REXO1: variants seen among roughly 807,000 people sequenced by gnomAD.
REXO1 encodes REX1, RNA exonuclease 1 homolog.
A neutral mutation model predicts 102.6 loss-of-function variants in REXO1; 42 were observed. That is an observed-to-expected ratio of 0.41 (90% CI 0.32 to 0.53). The LOEUF is 0.53. Ranked by LOEUF, REXO1 falls within the 20% of genes least tolerant of loss-of-function variation. The pLI is 0.27. For synonymous variants in REXO1, 908 were observed against 779.1 expected (o/e 1.17, Z -2.76); for missense variants, 1,819 against 1,732.5 (o/e 1.05, Z -0.89).
chr19:1,817,194 G>A (rs775255921), intron 12 of REXO1, 25 bp downstream of exon 12: 27 of 1,609,580 alleles, frequency 1.7e-5, no homozygotes, highest in East Asian at 1.1e-4. Flanking sequence ...TCCTGAACCC[G>A]ACGCTGGGCA....
chr19:1,817,385 G>A (rs1568679593), intron 11 of REXO1, 56 bp from the exon 12 acceptor site: 2 of 1,598,646 alleles, frequency 1.3e-6, no homozygotes, highest in African/African-American at 2.7e-5. Context: ...GGGCGGGGGT[G>A]GCAGCAGCAG....
At chr19:1,817,638 C>A in intron 11 of REXO1, 69 bp downstream of exon 11, 1 of 1,525,958 alleles carries the variant, frequency 6.6e-7, no homozygotes, top group Non-Finnish European at 8.9e-7. Context: ...TCCCGAGACC[C>A]CACACCAACG....
intron 6 of REXO1, 47 bp downstream of exon 6, chr19:1,820,217 C>A: frequency 6.3e-7 from 1 of 1,589,908 alleles, no homozygotes; most frequent in South Asian, 1.1e-5. Flanking sequence ...CCACCCTGGA[C>A]CCCTAGTCCC....
rs2011264864 is a variant in REXO1 at position 1,841,309 on chromosome 19, G to A, written c.157+6893C>T. Among the ~76,000 whole-genome samples, 6 of 152,214 alleles carry A rather than the reference G, an allele frequency of 3.9e-5. No individual in the cohort carries two copies. In the South Asian group the frequency reaches 1.0e-3, roughly 26 times the overall value. ...CAGCGTAAGGAACAAGCCACGGCCGGGCGCACCCAGCGCTCCCCGGAAACC... is the reference window on the plus strand; with the variant it reads ...CAGCGTAAGGAACAAGCCACGGCCGAGCGCACCCAGCGCTCCCCGGAAACC... On this transcript the variant is annotated intron_variant, in intron 1 of 15. Transcript: ENST00000170168.
rs186433043 is a variant in REXO1, at chr19:1,838,602, T to C, written c.157+9600A>G. 4.6e-3 allele frequency among the ~76,000 whole-genome samples: 695 copies of C among 150,030 alleles called. 4 individuals are homozygous for C. Among genetic ancestry groups the C allele is most frequent in the African/African-American group, 0.016 (649 of 40,692 alleles). ...ATCGTTTGAACTCGGGAGGCGGACGTTGCGGTGAGCCGAGATCGTGACATT... is the reference window on the plus strand; with the variant it reads ...ATCGTTTGAACTCGGGAGGCGGACGCTGCGGTGAGCCGAGATCGTGACATT... On this transcript the variant is annotated intron_variant, in intron 1 of 15. Coordinates refer to ENST00000170168, the MANE Select transcript of REXO1 (RefSeq NM_020695.4).
intron 5 of REXO1, among the ~76,000 whole-genome samples, chr19:1,821,109 A>G (rs1219663016): frequency 6.6e-6 from 1 of 152,012 alleles, no homozygotes; most frequent in East Asian, 1.9e-4. Flanking sequence ...GCACTTTGGG[A>G]GGCCGAGGCG....
At chr19:1,817,131 C>T in intron 12 of REXO1, 88 bp downstream of exon 12, 1 of 827,360 alleles carries the variant, frequency 1.2e-6, no homozygotes, top group Non-Finnish European at 1.7e-6. Flanking sequence ...GCCGGTGAGC[C>T]AGGCCCAGAT....
At chr19:1,846,843 T>C (rs1458710350) in intron 1 of REXO1, among the ~76,000 whole-genome samples, 1 of 152,148 alleles carries the variant, frequency 6.6e-6, no homozygotes, top group South Asian at 2.1e-4. Flanking sequence ...CAAAGAGCTG[T>C]GATCGCACCA....
Position 1,815,575 on chromosome 19 carries a change from G to T in REXO1, c.*491C>A. On this transcript the variant is annotated 3_prime_UTR_variant, in exon 16 of 16. Transcript: ENST00000170168. The surrounding 1 kb of genome is among the most constrained non-coding windows in gnomAD (Gnocchi z 4.0). ...CTGTCCCACCCCCACCCCGCAGGAG[G>T]GAAGGCAGCAGGCCCGCTCTTCCCG... 1 of 794,186 alleles carries T rather than the reference G, an allele frequency of 1.3e-6. No individual in the cohort carries two copies. The highest frequency in any genetic ancestry group is 1.7e-6 in the Non-Finnish European group (1 of 599,116). The allele number at this position is 794,186 out of a possible 1,614,324, so 49.2% of individuals were successfully genotyped here.
In REXO1 at chr19:1,827,793, G is replaced by A. The variant is rs779792117; in HGVS notation, c.996C>T (p.Gly332=). 1.8e-5 allele frequency: 29 copies of A among 1,592,600 alleles called. No individual in the cohort carries two copies. In the Admixed American group the frequency reaches 2.3e-4, roughly 13 times the overall value. The change falls in exon 2 of 16, where the codon GGC becomes GGT. Residue 332 remains glycine, a synonymous_variant. Transcript: ENST00000170168. ...CCGTCTCCTTGGTCTCCCGCAGGCC[G>A]CCCCCCTCGGCCTCCAGGCCCTCTT... is the stretch of plus-strand genomic sequence containing the variant. ...PSKEGLEAEG[G]GLRETKETAV...
At chr19:1,844,161 G>T (rs1031589683) in intron 1 of REXO1, among the ~76,000 whole-genome samples, 1 of 152,172 alleles carries the variant, frequency 6.6e-6, no homozygotes, top group Non-Finnish European at 1.5e-5. Context: ...CAGCAAAAAC[G>T]GCAGAGGAGG....
intron 3 of REXO1, among the ~76,000 whole-genome samples, chr19:1,825,002 G>A (rs2069667104): frequency 6.6e-6 from 1 of 151,346 alleles, no homozygotes; most frequent in Non-Finnish European, 1.5e-5. Flanking sequence ...GGCCAGGCTG[G>A]TCTCGAACTC....
chr19:1,830,316 GCC>G (rs2069868343), intron 1 of REXO1, among the ~76,000 whole-genome samples: 1 of 152,156 alleles, frequency 6.6e-6, no homozygotes. Context: ...TTTAAGACCA[GCC>G]TGGATGACAC....
chr19:1,828,998 A>T (rs2069831018), intron 1 of REXO1, among the ~76,000 whole-genome samples: 1 of 152,248 alleles, frequency 6.6e-6, no homozygotes, highest in African/African-American at 2.4e-5. Context: ...AGCTCCCAGC[A>T]TTCAGGGTGC....
intron 1 of REXO1, among the ~76,000 whole-genome samples, chr19:1,839,663 C>A (rs2011205081): frequency 2.0e-5 from 3 of 152,252 alleles, no homozygotes; most frequent in Admixed American, 6.5e-5. Context: ...CTCTGAATAC[C>A]TGCCCAGGAC....
chr19:1,835,039 T>C (rs2070002099), intron 1 of REXO1: 4 of 390,572 alleles, frequency 1.0e-5, no homozygotes, highest in Non-Finnish European at 2.2e-5. Context: ...GGCTCGGCCA[T>C]GGCTGCCTGC....
In REXO1 at chr19:1,815,501, C is replaced by G. The variant is rs1438706874; in HGVS notation, c.*565G>C. The G allele has an allele frequency of 4.7e-6, 1 of 214,764 alleles. No homozygotes were observed. The highest frequency in any genetic ancestry group is 2.4e-5 in the African/African-American group (1 of 42,246). The allele number at this position is 214,764 out of a possible 1,614,324, so 13.3% of individuals were successfully genotyped here. A position where few individuals can be genotyped will look rare whatever the true frequency, so the allele number is the denominator to read the frequency against. ...CCGGCCAGCCCCTGGAGCACAGAGG[C>G]GGGTCCAGCCCACACTGCGCTGAGT... On this transcript the variant is annotated 3_prime_UTR_variant, in exon 16 of 16. Transcript: ENST00000170168. This position sits in a 1 kb window ranked among gnomAD's most constrained non-coding sequence, Gnocchi z 4.0.
chr19:1,828,760 C>T (rs1599148633), intron 1 of REXO1, 129 bp from the exon 2 acceptor site: 1 of 1,233,460 alleles, frequency 8.1e-7, no homozygotes, highest in East Asian at 2.6e-5. Flanking sequence ...GCACTGGCGC[C>T]CGCCAAGGCT....
In REXO1 at chr19:1,818,530, G is replaced by A. The variant is rs1273108151; in HGVS notation, c.2968C>T (p.Arg990Trp). The A allele has an allele frequency of 1.5e-5, 24 of 1,611,802 alleles. No individual in the cohort carries two copies. The highest frequency in any genetic ancestry group is 1.7e-5 in the Non-Finnish European group (20 of 1,179,658). ...CAGTGGTAATAACACTCCTCGTCCC[G>A]GATGCAGCGGCCTGAAGAGGACACG... is the stretch of plus-strand genomic sequence containing the variant. ...YLVSSSGRCIRDEECYYHWGR... is the reference protein window; with the variant it reads ...YLVSSSGRCIWDEECYYHWGR... Residue 990 changes from arginine (R) to tryptophan (W), a missense_variant, in exon 10 of 16, where the codon CGG becomes TGG. Transcript: ENST00000170168.
Sources: gnomAD v4.1 joint callset for allele counts (sites outside exome capture counted in the v4.1 genomes callset) on GRCh38, gnomAD v4.1.1 for gene constraint, Gnocchi (gnomAD v3.1) non-coding constraint, MANE v1.5 for transcripts, NCBI Gene and HGNC (gene_info 2026-07-23, HGNC 2026-07-21) for gene names.